GHR: variants seen among roughly 807,000 people sequenced by gnomAD.
GHR encodes the protein GH receptor.
In GHR, 35 loss-of-function variants were observed where a neutral mutation model predicts 67.1. The ratio of observed to expected loss-of-function variants is 0.52; its 90% CI spans 0.40 to 0.69. The LOEUF is 0.69. Among genes scored for constraint, GHR ranks in the 30% least tolerant of loss-of-function variants. The probability of loss-of-function intolerance (pLI) is 0.00; values close to 1 mark genes in which losing one functional copy is unlikely to be tolerated. For synonymous variants in GHR, 272 were observed against 269.1 expected, an observed-to-expected ratio of 1.01 and a Z score of -0.10; for missense variants, 792 against 764.6, an observed-to-expected ratio of 1.04 and a Z score of -0.42.
rs116749072 is a variant in GHR at position 42,593,017 on chromosome 5, C to T, written c.70+27073C>T. On this transcript the variant is annotated intron_variant, in intron 2 of 9. Coordinates refer to ENST00000230882, the MANE Select transcript of GHR (RefSeq NM_000163.5). The stretch of plus-strand genomic sequence containing the variant: ...GTGATCGTGAGTATTTTTTCATATG[C>T]TTATTTTCCATGTGTATGACTTCTT... 3.9e-3 allele frequency among the ~76,000 whole-genome samples: 599 copies of T among 152,180 alleles called. 4 individuals are homozygous for T. Among genetic ancestry groups the T allele is most frequent in the African/African-American group, 0.014 (577 of 41,522 alleles).
At position 42,719,803 on chromosome 5, in the gene GHR, G is replaced by A; in HGVS notation, c.*379G>A. Reference sequence around the variant, plus strand: ...GTGGCTTTTGCGGTTCAGGAAAATTGAATGCAAACCATAGCACAGGCTAAT... The same window carrying A: ...GTGGCTTTTGCGGTTCAGGAAAATTAAATGCAAACCATAGCACAGGCTAAT... On this transcript the variant is annotated 3_prime_UTR_variant, in exon 10 of 10. Coordinates refer to ENST00000230882, the MANE Select transcript of GHR (RefSeq NM_000163.5). 2 of 281,442 alleles carry A rather than the reference G, an allele frequency of 7.1e-6. No individual in the cohort carries two copies. Among genetic ancestry groups the A allele is most frequent in the South Asian group, 8.2e-5 (2 of 24,428 alleles). 17.4% of individuals were successfully genotyped at this position (281,442 alleles called of 1,614,324 possible). A position where few individuals can be genotyped will look rare whatever the true frequency, so the allele number is the denominator to read the frequency against.
At chr5:42,494,029 G>A (rs1263730349) in intron 1 of GHR, among the ~76,000 whole-genome samples, 5 of 152,150 alleles carry the variant, frequency 3.3e-5, no homozygotes, top group Non-Finnish European at 7.4e-5. Flanking sequence ...CAGAGTTTAT[G>A]TGCTCTAATG....
In GHR at chr5:42,579,171, G is replaced by GAT. The variant is rs1372220534; in HGVS notation, c.70+13229_70+13230dup. ...ATAGATATAGATAGATAGATAGATA[G>GAT]ATAGATAGATAGATAGATAGATAGA... On this transcript the variant is annotated intron_variant, in intron 2 of 9. Coordinates refer to ENST00000230882, the MANE Select transcript of GHR (RefSeq NM_000163.5). Among the ~76,000 whole-genome samples, 30 of 143,540 alleles carry GAT rather than the reference G, an allele frequency of 2.1e-4. No homozygotes were observed. The East Asian group carries it at 5.6e-3, about 27-fold the overall frequency. The allele number at this position is 143,540 out of a possible 152,430, so 94.2% of individuals were successfully genotyped here.
intron 3 of GHR, among the ~76,000 whole-genome samples, chr5:42,658,937 G>A (rs1755408373): frequency 6.6e-6 from 1 of 152,176 alleles, no homozygotes; most frequent in South Asian, 2.1e-4. Context: ...GGTAGGTTAT[G>A]AAGAGAGTTG....
intron 2 of GHR, among the ~76,000 whole-genome samples, chr5:42,586,011 AAC>A (rs1164206366): frequency 6.6e-6 from 1 of 152,232 alleles, no homozygotes; most frequent in African/African-American, 2.4e-5. Context: ...TATAGTGTCT[AAC>A]ACACAGAATT....
intron 3 of GHR, among the ~76,000 whole-genome samples, chr5:42,686,023 A>G (rs1344039619): frequency 6.6e-6 from 1 of 152,108 alleles, no homozygotes; most frequent in Non-Finnish European, 1.5e-5. Context: ...GCTCATGCCT[A>G]TTTCCTGAAT....
intron 1 of GHR, among the ~76,000 whole-genome samples, chr5:42,460,595 A>G (rs531624042): frequency 1.3e-5 from 2 of 152,172 alleles, no homozygotes; most frequent in Admixed American, 6.5e-5. Context: ...GAAAGGGTTC[A>G]CCTCCCATTA....
chr5:42,607,772 T>C (rs1008863843), intron 2 of GHR, among the ~76,000 whole-genome samples: 1 of 152,138 alleles, frequency 6.6e-6, no homozygotes, highest in Non-Finnish European at 1.5e-5. Context: ...TAATGACAGA[T>C]AGAGGCACAG....
intron 1 of GHR, among the ~76,000 whole-genome samples, chr5:42,470,189 ATT>A: frequency 6.8e-6 from 1 of 147,612 alleles, no homozygotes; most frequent in Non-Finnish European, 1.5e-5. Flanking sequence ...ATTATATACT[ATT>A]ATATTATATC....
chr5:42,486,619 A>G (rs1193801498), intron 1 of GHR, among the ~76,000 whole-genome samples: 4 of 152,154 alleles, frequency 2.6e-5, no homozygotes, highest in African/African-American at 9.6e-5. Context: ...AGTCCGAGGC[A>G]GGTGGATCAC....
At chr5:42,661,482 G>A (rs905309966) in intron 3 of GHR, among the ~76,000 whole-genome samples, 10 of 152,226 alleles carry the variant, frequency 6.6e-5, no homozygotes, top group African/African-American at 2.2e-4. Context: ...TTTCAACCCA[G>A]AATTTCATAT....
chr5:42,597,656 G>A (rs1028508764), intron 2 of GHR, among the ~76,000 whole-genome samples: 1 of 152,180 alleles, frequency 6.6e-6, no homozygotes, highest in Non-Finnish European at 1.5e-5. Flanking sequence ...TTACATTCAG[G>A]TCCCAGTATC....
At chr5:42,708,351 CCTTT>C (rs1758283402) in intron 6 of GHR, among the ~76,000 whole-genome samples, 1 of 152,018 alleles carries the variant, frequency 6.6e-6, no homozygotes, top group African/African-American at 2.4e-5. Flanking sequence ...CAGTCATCTT[CCTTT>C]AAGTCTGACA....
intron 3 of GHR, among the ~76,000 whole-genome samples, chr5:42,663,960 CAG>C (rs1393546250): frequency 6.7e-6 from 1 of 149,558 alleles, no homozygotes; most frequent in Non-Finnish European, 1.5e-5. Flanking sequence ...AACAGACAAA[CAG>C]AGCCAAATCA....
intron 1 of GHR, chr5:42,565,480 C>T (rs1221724278): frequency 3.0e-6 from 3 of 985,066 alleles, no homozygotes; most frequent in Non-Finnish European, 3.6e-6. Flanking sequence ...CTCAAGGCCC[C>T]ATGCTTTCTG....
At position 42,656,074 on chromosome 5, in the gene GHR, T is replaced by C. The variant is rs114731992; in HGVS notation, c.136+26971T>C. Among the ~76,000 whole-genome samples the C allele has an allele frequency of 5.2e-3, 792 of 152,224 alleles. 3 individuals carry two copies. The highest frequency in any genetic ancestry group is 0.019 in the African/African-American group (769 of 41,536). On this transcript the variant is annotated intron_variant, in intron 3 of 9. Transcript: ENST00000230882. ...CAGTATAATCTATCCACAAAATCAG[T>C]CATACAGAACCTGCAAAAAACATGT...
chr5:42,621,113 C>G (rs1224758401), intron 2 of GHR, among the ~76,000 whole-genome samples: 1 of 152,078 alleles, frequency 6.6e-6, no homozygotes, highest in African/African-American at 2.4e-5. Flanking sequence ...GTATTGACAC[C>G]TCTGCTGTTC....
chr5:42,576,615 A>G (rs963199808), intron 2 of GHR, among the ~76,000 whole-genome samples: 1 of 152,246 alleles, frequency 6.6e-6, no homozygotes, highest in Non-Finnish European at 1.5e-5. Context: ...TATTTGCACA[A>G]GGAAATTTTG....
intron 1 of GHR, among the ~76,000 whole-genome samples, chr5:42,437,506 CA>C (rs1743377856): frequency 6.6e-6 from 1 of 151,510 alleles, no homozygotes; most frequent in African/African-American, 2.4e-5. Flanking sequence ...GTTGAAAAAA[CA>C]GCCTCTCTTC....
Sources: allele counts gnomAD v4.1 joint callset (sites outside exome capture counted in the v4.1 genomes callset), GRCh38; gene constraint gnomAD v4.1.1; transcripts MANE v1.5; gene names NCBI Gene and HGNC (gene_info 2026-07-23, HGNC 2026-07-21).